Variants in CEP85 observed in about 807,000 individuals in gnomAD.
CEP85 encodes the protein centrosomal protein of 85 kDa.
Under a neutral mutation model 93.7 loss-of-function variants are expected in CEP85, and 58 were observed. That is an observed-to-expected ratio of 0.62 (90% confidence interval 0.50 to 0.77). The LOEUF is 0.77. CEP85 is among the 30% of genes least tolerant of loss of function. The pLI is 0.00. For missense variants in CEP85, 868 were observed against 922.0 expected (o/e 0.94, Z 0.76); for synonymous variants, 314 against 338.6 (o/e 0.93, Z 0.80).
intron 1 of CEP85, among the ~76,000 whole-genome samples, chr1:26,237,065 G>C (rs1311742521): frequency 1.3e-5 from 2 of 152,100 alleles, no homozygotes; most frequent in Non-Finnish European, 2.9e-5. Flanking sequence ...GAAGGGAGGA[G>C]GGTATAATGA....
intron 12 of CEP85, 113 bp downstream of exon 12, chr1:26,275,184 C>G: frequency 2.8e-6 from 2 of 722,850 alleles, no homozygotes; most frequent in Middle Eastern, 3.3e-4. Flanking sequence ...GGAAAGGTCC[C>G]TACTGAGCTC....
intron 7 of CEP85, among the ~76,000 whole-genome samples, chr1:26,266,138 G>A (rs1387708609): frequency 6.6e-6 from 1 of 152,096 alleles, no homozygotes; most frequent in African/African-American, 2.4e-5. Flanking sequence ...GAACCCGGGA[G>A]GTGGAGGTTC....
At chr1:26,253,366 C>T (rs919587330) in intron 3 of CEP85, among the ~76,000 whole-genome samples, 31 of 151,408 alleles carry the variant, frequency 2.0e-4, no homozygotes, top group African/African-American at 7.3e-4. Flanking sequence ...TCTCTGCATC[C>T]TCTCCAAACT....
At position 26,239,830 on chromosome 1, in the gene CEP85, C is replaced by T; in HGVS notation, c.47C>T (p.Thr16Ile). 6.2e-7 allele frequency: 1 copy of T among 1,612,926 alleles called. No homozygotes were observed. Among genetic ancestry groups the T allele is most frequent in the South Asian group, 1.1e-5 (1 of 91,080 alleles). ...CCAACTGAGGGGATCTCTCACGTCACTTCACCGAGTGAGTAGTCAGAAGTT... is the reference window on the plus strand; with the variant it reads ...CCAACTGAGGGGATCTCTCACGTCATTTCACCGAGTGAGTAGTCAGAAGTT... The part of the protein sequence containing the change: ...KYPTEGISHV[T>I]SPSSDVIQKG... The change falls in exon 2 of 14, where the codon ACT (threonine) becomes ATT (isoleucine). Residue 16 changes from threonine to isoleucine, a missense_variant. By Grantham distance (89) the Thr-to-Ile change is moderately conservative. Coordinates refer to ENST00000451429, the MANE Select transcript of CEP85 (RefSeq NM_001319944.2).
Position 26,276,713 on chromosome 1 carries a change from G to A in CEP85, c.2081G>A (p.Arg694Lys). ...LQAVCSIVTQ[R>K]AQGHDPNLSL... ...GCTGTCTGTAGCATTGTGACCCAGA[G>A]GGCCCAGGGCCATGACCCCAATCTC... The change falls in exon 13 of 14, where the codon AGG becomes AAG. Residue 694 changes from arginine (R) to lysine (K), a missense_variant. By Grantham distance (26) the Arg-to-Lys change is conservative. Coordinates refer to ENST00000451429, the MANE Select transcript of CEP85 (RefSeq NM_001319944.2). 1 of 1,614,168 alleles carries A rather than the reference G, an allele frequency of 6.2e-7. No homozygotes were observed.
intron 11 of CEP85, among the ~76,000 whole-genome samples, chr1:26,273,317 G>T (rs148932658): frequency 2.6e-4 from 39 of 152,256 alleles, no homozygotes; most frequent in Admixed American, 4.6e-4. Flanking sequence ...CAAAACACCC[G>T]AAATGCACTC....
In CEP85 at chr1:26,259,643, A is replaced by T. The variant is rs761788153; in HGVS notation, c.1182A>T (p.Leu394Phe). The change falls in exon 7 of 14, where the codon TTA becomes TTT. Residue 394 changes from leucine to phenylalanine, a missense_variant. Leu to Phe is a conservative substitution (Grantham distance 22). Transcript: ENST00000451429. ...LQELQRENTF[L>F]RAQFAQKTEA... ...AATTGCAGCGAGAAAACACTTTCTT[A>T]CGTGCACAGTTTGCACAGAAGACAG... 1 of 1,611,744 alleles carries T rather than the reference A, an allele frequency of 6.2e-7. No homozygotes were observed. The highest frequency in any genetic ancestry group is 2.2e-5 in the East Asian group (1 of 44,860).
At chr1:26,263,302 CT>C in intron 7 of CEP85, 1 of 338,518 alleles carries the variant, frequency 3.0e-6, no homozygotes. Flanking sequence ...ACTATTGCTC[CT>C]CTGTTCATCA....
chr1:26,255,605 A>T lies in CEP85; in HGVS notation c.643A>T (p.Ser215Cys). The T allele has an allele frequency of 1.2e-6, 2 of 1,613,986 alleles. No homozygotes were observed. Among genetic ancestry groups the T allele is most frequent in the Non-Finnish European group, 1.7e-6 (2 of 1,179,974 alleles). ...CTTCCACAACCCAAGAACCAGCACAAGTAAGGAGTTGTACAGAGTGTTGCC... is the reference window on the plus strand; with the variant it reads ...CTTCCACAACCCAAGAACCAGCACATGTAAGGAGTTGTACAGAGTGTTGCC... The part of the protein sequence containing the change: ...VRFHNPRTST[S>C]KELYRVLPEA... Residue 215 changes from serine (S) to cysteine (C), a missense_variant, in exon 4 of 14, where the codon AGT becomes TGT. Physicochemically the swap from Ser to Cys is moderately radical, Grantham distance 112. Transcript: ENST00000451429.
At chr1:26,247,534 T>G in intron 3 of CEP85, among the ~76,000 whole-genome samples, 1 of 151,736 alleles carries the variant, frequency 6.6e-6, no homozygotes, top group East Asian at 1.9e-4. Flanking sequence ...CGAGTTTGAG[T>G]ACAGTCTGGG....
intron 1 of CEP85, among the ~76,000 whole-genome samples, chr1:26,236,723 C>T (rs2089332467): frequency 6.6e-6 from 1 of 152,224 alleles, no homozygotes; most frequent in African/African-American, 2.4e-5. Context: ...ACACAGCCCT[C>T]AGGTGATCCT....
At chr1:26,234,780 G>A (rs1365260884) in intron 1 of CEP85, among the ~76,000 whole-genome samples, 1 of 152,244 alleles carries the variant, frequency 6.6e-6, no homozygotes, top group African/African-American at 2.4e-5. Context: ...AGATTGGAAG[G>A]CTGTGTAGAG....
At chr1:26,236,406 TTC>T (rs1491504928) in intron 1 of CEP85, among the ~76,000 whole-genome samples, 5 of 151,604 alleles carry the variant, frequency 3.3e-5, no homozygotes, top group South Asian at 2.1e-4. Context: ...TTTTTTTTTT[TTC>T]CCCTCTGTCT....
chr1:26,256,356 C>A (rs2089701069), intron 4 of CEP85, among the ~76,000 whole-genome samples: 1 of 151,862 alleles, frequency 6.6e-6, no homozygotes, highest in Non-Finnish European at 1.5e-5. Context: ...CAGAGTGAAA[C>A]CCTGCCTCTA....
At position 26,260,513 on chromosome 1, in the gene CEP85, A is replaced by AAT. The variant is rs1471084214; in HGVS notation, c.1341+712_1341+713insTA. On this transcript the variant is annotated intron_variant, in intron 7 of 13. Coordinates refer to ENST00000451429, the MANE Select transcript of CEP85 (RefSeq NM_001319944.2). ...GACTCCGTCTCAGGAAAAAAAAAAAAAATTCCATGTGCACAGCTAGTTTGG... is the reference window on the plus strand; with the variant it reads ...GACTCCGTCTCAGGAAAAAAAAAAAAATAATTCCATGTGCACAGCTAGTTTGG... 5.3e-5 allele frequency among the ~76,000 whole-genome samples: 8 copies of AAT among 151,908 alleles called. No individual in the cohort carries two copies. The East Asian group carries it at 1.6e-3, about 30-fold the overall frequency.
chr1:26,276,065 C>G (rs12732837), intron 12 of CEP85, among the ~76,000 whole-genome samples: 45,495 of 147,768 alleles, frequency 0.31, 7,219 homozygotes, highest in Non-Finnish European at 0.36. Context: ...TTCTTACTCT[C>G]TTTATTCCTC....
At chr1:26,275,173 G>A in intron 12 of CEP85, 102 bp downstream of exon 12, 2 of 832,824 alleles carry the variant, frequency 2.4e-6, no homozygotes, top group East Asian at 2.7e-5. Flanking sequence ...GTGTTTGAAA[G>A]GGAAAGGTCC....
At chr1:26,257,293 TC>T (rs2089722322) in intron 4 of CEP85, among the ~76,000 whole-genome samples, 1 of 152,122 alleles carries the variant, frequency 6.6e-6, no homozygotes, top group South Asian at 2.1e-4. Flanking sequence ...GCAGACATAT[TC>T]CCCTTCCTTG....
chr1:26,238,498 A>G (rs1237764603), intron 1 of CEP85, among the ~76,000 whole-genome samples: 1 of 152,108 alleles, frequency 6.6e-6, no homozygotes, highest in Non-Finnish European at 1.5e-5. Flanking sequence ...GCCCGGCCGA[A>G]TTGTCCCAAA....
Sources: gnomAD v4.1 joint callset for allele counts (sites outside exome capture counted in the v4.1 genomes callset) on GRCh38, gnomAD v4.1.1 for gene constraint, MANE v1.5 for transcripts, NCBI Gene and HGNC (gene_info 2026-07-23, HGNC 2026-07-21) for gene names.